ADCY9: variants seen among roughly 807,000 people sequenced by gnomAD.
ADCY9 encodes the protein adenylate cyclase type 9.
A neutral mutation model predicts 101.5 loss-of-function variants in ADCY9; 50 were observed. The observed-to-expected ratio is 0.49, with a 90% CI of 0.39 to 0.62. The LOEUF is 0.62. Ranked by LOEUF, ADCY9 falls within the 20% of genes least tolerant of loss-of-function variation. The probability of loss-of-function intolerance (pLI) is 0.00; values close to 1 mark genes in which losing one functional copy is unlikely to be tolerated. For missense variants in ADCY9, 1,662 were observed against 1,800.4 expected (o/e 0.92, Z 1.39); for synonymous variants, 905 against 769.3 (o/e 1.18, Z -2.92).
chr16:4,044,952 A>C (rs113813732), intron 2 of ADCY9, among the ~76,000 whole-genome samples: 2 of 152,102 alleles, frequency 1.3e-5, no homozygotes, highest in Non-Finnish European at 2.9e-5. Flanking sequence ...CCAACTCTTT[A>C]CGAGATGAGG....
intron 2 of ADCY9, among the ~76,000 whole-genome samples, chr16:4,013,990 A>C (rs781553850): frequency 4.6e-5 from 7 of 152,122 alleles, no homozygotes; most frequent in African/African-American, 9.7e-5. Context: ...TCCTACTACA[A>C]ATGGCTGCTG....
chr16:4,000,861 AGAT>A (rs1189542515), intron 3 of ADCY9, among the ~76,000 whole-genome samples: 1 of 152,084 alleles, frequency 6.6e-6, no homozygotes, highest in African/African-American at 2.4e-5. Context: ...CATGAAGTCA[AGAT>A]AAGAAAATAT....
chr16:3,991,877 C>T (rs2056247146), intron 5 of ADCY9, among the ~76,000 whole-genome samples: 1 of 151,774 alleles, frequency 6.6e-6, no homozygotes, highest in Non-Finnish European at 1.5e-5. Context: ...TGGAGACCAG[C>T]CTGGCCAACA....
intron 2 of ADCY9, among the ~76,000 whole-genome samples, chr16:4,088,216 C>T (rs1597218007): frequency 1.3e-5 from 2 of 152,076 alleles, no homozygotes; most frequent in Admixed American, 1.3e-4. Flanking sequence ...CTTTATACAT[C>T]GGTCTCATGG....
chr16:3,995,861 T>A (rs1003735698), intron 3 of ADCY9, among the ~76,000 whole-genome samples: 7 of 152,184 alleles, frequency 4.6e-5, no homozygotes, highest in African/African-American at 1.7e-4. Flanking sequence ...AACATTTGTA[T>A]GCATTCAAAA....
intron 2 of ADCY9, among the ~76,000 whole-genome samples, chr16:4,072,297 C>G (rs550361185): frequency 6.6e-6 from 1 of 152,200 alleles, no homozygotes; most frequent in Non-Finnish European, 1.5e-5. Flanking sequence ...GATGCTACTC[C>G]GCCATGTGGC....
chr16:4,013,172 C>T (rs541408525), intron 2 of ADCY9, among the ~76,000 whole-genome samples: 4 of 151,672 alleles, frequency 2.6e-5, no homozygotes, highest in East Asian at 1.9e-4. Context: ...CACTTGAGCC[C>T]GGGAGGTTGA....
chr16:3,969,571 TA>T (rs1195964806), intron 10 of ADCY9, among the ~76,000 whole-genome samples: 1 of 19,200 alleles, frequency 5.2e-5, no homozygotes, highest in Non-Finnish European at 7.7e-5. Context: ...TTGTTTGAAA[TA>T]TATATATATA....
chr16:3,996,863 TTTTG>T (rs1355685390), intron 3 of ADCY9, among the ~76,000 whole-genome samples: 3 of 152,064 alleles, frequency 2.0e-5, no homozygotes, highest in Non-Finnish European at 4.4e-5. Flanking sequence ...TTCTCTCTTT[TTTTG>T]TTTGTTTGTT....
chr16:4,019,802 G>A (rs764346974), intron 2 of ADCY9, among the ~76,000 whole-genome samples: 7 of 152,212 alleles, frequency 4.6e-5, no homozygotes, highest in Non-Finnish European at 8.8e-5. Context: ...TACATGCCAG[G>A]CATGGTAGCT....
At chr16:4,013,683 C>A (rs1463135053) in intron 2 of ADCY9, among the ~76,000 whole-genome samples, 2 of 152,130 alleles carry the variant, frequency 1.3e-5, no homozygotes, top group African/African-American at 4.8e-5. Context: ...AACGACCAAG[C>A]GGCATGAGAG....
chr16:4,040,487 C>T (rs1287093711), intron 2 of ADCY9, among the ~76,000 whole-genome samples: 2 of 146,376 alleles, frequency 1.4e-5, no homozygotes, highest in Non-Finnish European at 3.0e-5. Flanking sequence ...GATAGAGTCT[C>T]GCTCTGTCAC....
At chr16:3,998,183 T>C (rs749565722) in intron 3 of ADCY9, among the ~76,000 whole-genome samples, 18 of 152,204 alleles carry the variant, frequency 1.2e-4, no homozygotes, top group Non-Finnish European at 2.4e-4. Flanking sequence ...GTGGCTTGCT[T>C]GAGCCCAGGA....
chr16:4,115,059 A>C lies in ADCY9; in HGVS notation c.384T>G (p.Leu128=), dbSNP rs1377759336. The C allele has an allele frequency of 6.2e-7, 1 of 1,614,074 alleles. No homozygotes were observed. Among genetic ancestry groups the C allele is most frequent in the East Asian group, 2.2e-5 (1 of 44,872 alleles). ...GGACCGCAAAATAGATGCTCCACAGAAGGCAGGCGAAGCCGATGTAGAAGA... is the reference window on the plus strand; with the variant it reads ...GGACCGCAAAATAGATGCTCCACAGCAGGCAGGCGAAGCCGATGTAGAAGA... The part of the protein sequence containing the change: ...YALFYIGFAC[L]LWSIYFAVHM... Residue 128 remains leucine (L), a synonymous_variant, in exon 2 of 11, where the codon CTT becomes CTG. Transcript: ENST00000294016. This position sits in a 1 kb window ranked among gnomAD's most constrained non-coding sequence, Gnocchi z 6.2.
At chr16:4,070,416 A>G (rs1024160041) in intron 2 of ADCY9, among the ~76,000 whole-genome samples, 3 of 152,212 alleles carry the variant, frequency 2.0e-5, no homozygotes, top group African/African-American at 7.2e-5. Context: ...AGTTTCAAAT[A>G]ATATTATGTT....
chr16:4,019,063 C>T (rs1009624938), intron 2 of ADCY9, among the ~76,000 whole-genome samples: 1 of 151,190 alleles, frequency 6.6e-6, no homozygotes, highest in Non-Finnish European at 1.5e-5. Flanking sequence ...GCAGCCTCGA[C>T]GTCCTGGGCT....
At chr16:4,037,095 C>T (rs188783720) in intron 2 of ADCY9, among the ~76,000 whole-genome samples, 110 of 152,158 alleles carry the variant, frequency 7.2e-4, no homozygotes, top group African/African-American at 2.4e-3. Flanking sequence ...GTGGGACAAT[C>T]GCTTGAGCCC....
In ADCY9 at chr16:3,963,593, A is replaced by C. The variant is rs2055959905; in HGVS notation, c.*2182T>G. 2.7e-6 allele frequency: 1 copy of C among 365,526 alleles called. No individual in the cohort carries two copies. The highest frequency in any genetic ancestry group is 2.1e-5 in the African/African-American group (1 of 47,794). The allele number at this position is 365,526 out of a possible 1,614,324, so 22.6% of individuals were successfully genotyped here. A position where few individuals can be genotyped will look rare whatever the true frequency, so the allele number is the denominator to read the frequency against. On this transcript the variant is annotated 3_prime_UTR_variant, in exon 11 of 11. Transcript: ENST00000294016. The stretch of plus-strand genomic sequence containing the variant: ...TTGGTTTCCCGGGGTGAGGAATCAC[A>C]AACACCTTTGTGGTTGGGGAAGGAA...
rs757669826 is a variant in ADCY9 at position 3,966,607 on chromosome 16, C to A, written c.3230G>T (p.Gly1077Val). 1 of 1,614,200 alleles carries A rather than the reference C, an allele frequency of 6.2e-7. No homozygotes were observed. Among genetic ancestry groups the A allele is most frequent in the Non-Finnish European group, 8.5e-7 (1 of 1,180,038 alleles). ...GAGGACCCGGTAGCACTCCTTGCCG[C>A]CCTCGTAGTTCTCCTCGTAGAACTC... ...FSEFYEENYE[G>V]GKECYRVLNE... is the part of the protein sequence containing the mutation. The change falls in exon 11 of 11, where the codon GGC becomes GTC. Residue 1077 changes from glycine to valine, a missense_variant. Transcript: ENST00000294016.
Sources: gnomAD v4.1 joint callset for allele counts (sites outside exome capture counted in the v4.1 genomes callset) on GRCh38, gnomAD v4.1.1 for gene constraint, Gnocchi (gnomAD v3.1) non-coding constraint, MANE v1.5 for transcripts, NCBI Gene and HGNC (gene_info 2026-07-23, HGNC 2026-07-21) for gene names.